Variants in PKP4 observed in about 807,000 individuals in gnomAD.
The protein encoded by PKP4 is plakophilin-4.
Under a neutral mutation model 145.1 loss-of-function variants are expected in PKP4, and 90 were observed. The ratio of observed to expected loss-of-function variants is 0.62; its 90% CI spans 0.52 to 0.74. The LOEUF (loss-of-function observed/expected upper bound fraction) is 0.74. Among genes scored for constraint, PKP4 ranks in the 30% least tolerant of loss-of-function variants. The pLI is 0.00. For missense variants in PKP4, 1,340 were observed against 1,482.7 expected, an observed-to-expected ratio of 0.90 and a Z score of 1.58; for synonymous variants, 563 against 577.2, an observed-to-expected ratio of 0.98 and a Z score of 0.35.
chr2:158,506,400 C>G (rs2040979584), intron 1 of PKP4, among the ~76,000 whole-genome samples: 1 of 152,192 alleles, frequency 6.6e-6, no homozygotes, highest in African/African-American at 2.4e-5. Context: ...TGGCAGACAG[C>G]TCAGTTAGAC....
intron 1 of PKP4, among the ~76,000 whole-genome samples, chr2:158,528,651 AAAAG>A (rs1308465654): frequency 1.9e-4 from 25 of 129,162 alleles, no homozygotes; most frequent in Admixed American, 7.8e-4. Context: ...AAAAAAAAAG[AAAAG>A]AAACTTACTA....
chr2:158,562,074 A>T (rs2105740253), intron 2 of PKP4, among the ~76,000 whole-genome samples: 1 of 152,264 alleles, frequency 6.6e-6, no homozygotes, highest in Non-Finnish European at 1.5e-5. Context: ...TCACTATTGA[A>T]TTTTGTGAAA....
At chr2:158,663,183 A>C in intron 14 of PKP4, 89 bp from the exon 15 acceptor site, 2 of 1,516,690 alleles carry the variant, frequency 1.3e-6, no homozygotes, top group South Asian at 2.5e-5. Flanking sequence ...CTGCATAGCT[A>C]TAGCTGAGTC....
At chr2:158,492,794 C>T (rs1356586345) in intron 1 of PKP4, among the ~76,000 whole-genome samples, 1 of 152,158 alleles carries the variant, frequency 6.6e-6, no homozygotes, top group Non-Finnish European at 1.5e-5. Flanking sequence ...AAGTGTTATA[C>T]GTGTTTACAG....
chr2:158,500,126 A>C (rs1696329916), intron 1 of PKP4, among the ~76,000 whole-genome samples: 1 of 152,208 alleles, frequency 6.6e-6, no homozygotes, highest in Non-Finnish European at 1.5e-5. Context: ...AGGCAGGTTA[A>C]TCTTGCATAT....
intron 2 of PKP4, among the ~76,000 whole-genome samples, chr2:158,561,355 G>T (rs2105737349): frequency 6.6e-6 from 1 of 152,246 alleles, no homozygotes; most frequent in East Asian, 1.9e-4. Flanking sequence ...TTTTGTATGG[G>T]GCCCGAAAGC....
intron 20 of PKP4, among the ~76,000 whole-genome samples, chr2:158,677,696 A>G (rs553330983): frequency 1.1e-3 from 163 of 152,376 alleles, no homozygotes; most frequent in Non-Finnish European, 2.1e-3. Context: ...AGGACTATTT[A>G]CTAATCGACT....
intron 12 of PKP4, 143 bp downstream of exon 12, chr2:158,658,457 A>C: frequency 1.8e-6 from 1 of 565,034 alleles, no homozygotes; most frequent in South Asian, 2.5e-5. Context: ...GGACTTTGTT[A>C]TTCTGGGAGA....
intron 3 of PKP4, among the ~76,000 whole-genome samples, chr2:158,598,260 C>G (rs1194121138): frequency 1.3e-5 from 2 of 152,050 alleles, no homozygotes; most frequent in African/African-American, 4.8e-5. Flanking sequence ...AGACTAGTAA[C>G]AGTAGCTTGT....
chr2:158,513,258 A>G (rs545889382), intron 1 of PKP4, among the ~76,000 whole-genome samples: 1 of 152,104 alleles, frequency 6.6e-6, no homozygotes, highest in East Asian at 1.9e-4. Flanking sequence ...TCTTATCCTC[A>G]TTTTATTGAT....
intron 2 of PKP4, among the ~76,000 whole-genome samples, chr2:158,565,121 CTCAAT>C (rs1574508630): frequency 6.6e-6 from 1 of 152,138 alleles, no homozygotes; most frequent in Non-Finnish European, 1.5e-5. Flanking sequence ...TTTAGGATTG[CTCAAT>C]TCAAAACTGT....
intron 7 of PKP4, among the ~76,000 whole-genome samples, chr2:158,630,065 A>G (rs2053210266): frequency 6.9e-6 from 1 of 145,626 alleles, no homozygotes; most frequent in Non-Finnish European, 1.6e-5. Flanking sequence ...TACTTTGTTA[A>G]TGATTTGCTA....
At chr2:158,501,940 ATG>A (rs1455132205) in intron 1 of PKP4, among the ~76,000 whole-genome samples, 2 of 152,166 alleles carry the variant, frequency 1.3e-5, no homozygotes, top group East Asian at 3.9e-4. Flanking sequence ...GCTTTCCTGA[ATG>A]TGTGCCTCAG....
rs112896220 is a variant in PKP4 at position 158,621,355 on chromosome 2, A to C, written c.537A>C (p.Ser179=). The C allele has an allele frequency of 0.022, 35,421 of 1,614,162 alleles. 474 individuals are homozygous for C. Among genetic ancestry groups the C allele is most frequent in the Non-Finnish European group, 0.026 (30,821 of 1,179,978 alleles). Residue 179 remains serine (S), a synonymous_variant, in exon 6 of 22, where the codon TCA becomes TCC. Coordinates refer to ENST00000389759, the MANE Select transcript of PKP4 (RefSeq NM_003628.6). ...VSKADNRQQH[S]FIGSTNNHVV... ...AGGCAGACAACAGACAGCAGCATTC[A>C]TTCATAGGATCAACTAACAACCATG...
rs2053384341 is a variant in PKP4, at chr2:158,631,779, C to T, written c.1180C>T (p.His394Tyr). 1 of 1,613,976 alleles carries T rather than the reference C, an allele frequency of 6.2e-7. No individual in the cohort carries two copies. Among genetic ancestry groups the T allele is most frequent in the African/African-American group, 1.3e-5 (1 of 75,014 alleles). Residue 394 changes from histidine to tyrosine, a missense_variant, in exon 8 of 22, where the codon CAT (histidine) becomes TAT (tyrosine). His to Tyr is a moderately conservative substitution (Grantham distance 83, BLOSUM62 2). Transcript: ENST00000389759. ...TGLRSSYASQ[H>Y]SQLGQDLRSA... ...CTTACGGAGTTCCTATGCTAGTCAG[C>T]ATAGTCAGCTTGGGCAAGACCTTCG...
chr2:158,651,725 G>C (rs923506863), intron 11 of PKP4, among the ~76,000 whole-genome samples: 1 of 151,842 alleles, frequency 6.6e-6, no homozygotes, highest in South Asian at 2.1e-4. Flanking sequence ...GCATGGTCTC[G>C]AGTGAGTGTG....
At chr2:158,574,602 G>A (rs1414357078) in intron 2 of PKP4, among the ~76,000 whole-genome samples, 1 of 152,152 alleles carries the variant, frequency 6.6e-6, no homozygotes, top group Non-Finnish European at 1.5e-5. Flanking sequence ...TGTATTCTTA[G>A]GAGGAATAGT....
At chr2:158,503,119 A>T (rs1696830774) in intron 1 of PKP4, among the ~76,000 whole-genome samples, 1 of 152,238 alleles carries the variant, frequency 6.6e-6, no homozygotes, top group Non-Finnish European at 1.5e-5. Context: ...ATGTGAAGGA[A>T]TTGGAAAAGC....
chr2:158,589,118 C>T (rs2049039841), intron 3 of PKP4, among the ~76,000 whole-genome samples: 1 of 152,150 alleles, frequency 6.6e-6, no homozygotes, highest in Non-Finnish European at 1.5e-5. Flanking sequence ...GTAAAAATCC[C>T]TTTCTATAAT....
Sources: gnomAD v4.1 joint callset for allele counts (sites outside exome capture counted in the v4.1 genomes callset) on GRCh38, gnomAD v4.1.1 for gene constraint, MANE v1.5 for transcripts, NCBI Gene and HGNC (gene_info 2026-07-23, HGNC 2026-07-21) for gene names.